Variants in ADGRE3 observed in about 807,000 individuals in gnomAD.
ADGRE3 encodes EGF-like module receptor 3.
ADGRE3 carries 88 observed loss-of-function variants against 80.1 expected under a neutral mutation model. The ratio of observed to expected loss-of-function variants is 1.10; its 90% CI spans 0.93 to 1.31. ADGRE3 has a LOEUF of 1.31. Among genes scored for constraint, ADGRE3 ranks in the 40% most tolerant of loss-of-function variants. The pLI is 0.00. For missense variants in ADGRE3, 715 were observed against 776.5 expected (o/e 0.92, Z 0.94); for synonymous variants, 281 against 294.8 (o/e 0.95, Z 0.48).
At chr19:14,673,571 C>T (rs1972312476) in intron 1 of ADGRE3, among the ~76,000 whole-genome samples, 1 of 152,156 alleles carries the variant, frequency 6.6e-6, no homozygotes, top group Admixed American at 6.5e-5. Flanking sequence ...ATTCAAATCC[C>T]AGCTCTCTTA....
intron 11 of ADGRE3, among the ~76,000 whole-genome samples, chr19:14,634,573 G>C (rs1241685561): frequency 6.6e-6 from 1 of 152,158 alleles, no homozygotes. Flanking sequence ...AGGAGGAACA[G>C]CGTCCTGTTA....
At chr19:14,607,996 G>A in the ADGRE3 span, among the ~76,000 whole-genome samples, 7 of 151,980 alleles carry the variant, frequency 4.6e-5, no homozygotes, top group South Asian at 1.5e-3. Flanking sequence ...TCAGCCTCCC[G>A]AGTACCTGGG....
chr19:14,619,296 G>T lies in ADGRE3; in HGVS notation c.*137C>A. ...GAGAGCCTATTGTGGAGAACAAACA[G>T]CTTGGGAAGTAAAGGTTGATTACTT... On this transcript the variant is annotated 3_prime_UTR_variant, in exon 16 of 16. Transcript: ENST00000253673. 1 of 716,982 alleles carries T rather than the reference G, an allele frequency of 1.4e-6. No individual in the cohort carries two copies. Among genetic ancestry groups the T allele is most frequent in the Non-Finnish European group, 2.5e-6 (1 of 407,914 alleles). 44.4% of individuals were successfully genotyped at this position (716,982 alleles called of 1,614,324 possible).
chr19:14,641,722 T>C (rs539554607), intron 9 of ADGRE3, 106 bp from the exon 10 acceptor site: 1 of 1,379,198 alleles, frequency 7.3e-7, no homozygotes, highest in Non-Finnish European at 1.0e-6. Flanking sequence ...CCAGTGGTAG[T>C]GTGGGACCGT....
At chr19:14,656,931 T>C (rs1971782976) in intron 5 of ADGRE3, among the ~76,000 whole-genome samples, 1 of 152,180 alleles carries the variant, frequency 6.6e-6, no homozygotes, top group Non-Finnish European at 1.5e-5. Flanking sequence ...AGTCTTACTC[T>C]GTTGCCCAGG....
chr19:14,627,110 G>A (rs1028008847), intron 14 of ADGRE3, among the ~76,000 whole-genome samples: 9 of 152,220 alleles, frequency 5.9e-5, no homozygotes, highest in Admixed American at 5.2e-4. Flanking sequence ...TTGCTGGAGA[G>A]GGCTGTCCTG....
intron 15 of ADGRE3, among the ~76,000 whole-genome samples, chr19:14,620,362 T>C (rs1970504741): frequency 1.9e-5 from 1 of 53,282 alleles, no homozygotes; most frequent in African/African-American, 6.6e-5. Context: ...AAAGCTAATG[T>C]ATTTCTTAAA....
Position 14,668,793 on chromosome 19 carries a change from A to G in ADGRE3, c.76+9T>C. On this transcript the variant is annotated intron_variant, in intron 2 of 15. Transcript: ENST00000253673. ...CCACAAGTTCTCTGTTCTGGCTCTG[A>G]GCACTCACTTTTGGTTTTCTGAGTC... 6.2e-7 allele frequency: 1 copy of G among 1,613,632 alleles called. No individual in the cohort carries two copies. The highest frequency in any genetic ancestry group is 8.5e-7 in the Non-Finnish European group (1 of 1,179,642).
intron 6 of ADGRE3, among the ~76,000 whole-genome samples, chr19:14,651,998 C>A (rs111989526): frequency 6.6e-6 from 1 of 152,140 alleles, no homozygotes; most frequent in African/African-American, 2.4e-5. Context: ...GCTGAGATCA[C>A]GCCACTGTAC....
At chr19:14,674,709 T>C (rs1462682999) in intron 1 of ADGRE3, 37 bp downstream of exon 1, 4 of 1,605,038 alleles carry the variant, frequency 2.5e-6, no homozygotes, top group African/African-American at 2.7e-5. Flanking sequence ...GACTGGGGGA[T>C]AGGTTAAGCC....
At chr19:14,605,179 C>T in the ADGRE3 span, among the ~76,000 whole-genome samples, 1 of 151,814 alleles carries the variant, frequency 6.6e-6, no homozygotes, top group African/African-American at 2.4e-5. Context: ...CTCACTGCAA[C>T]CTCCACCTCC....
At chr19:14,627,840 G>A (rs1207893529) in intron 14 of ADGRE3, among the ~76,000 whole-genome samples, 1 of 151,974 alleles carries the variant, frequency 6.6e-6, no homozygotes, top group Non-Finnish European at 1.5e-5. Flanking sequence ...TTAAAAACTG[G>A]ATGCTAGGCC....
intron 3 of ADGRE3, 77 bp from the exon 4 acceptor site, chr19:14,662,195 C>T (rs979958381): frequency 4.8e-6 from 7 of 1,456,706 alleles, no homozygotes; most frequent in Admixed American, 1.7e-5. Context: ...AGGAGTTGTG[C>T]TCTTTCCCCC....
chr19:14,670,563 C>G (rs1355398308), intron 1 of ADGRE3, among the ~76,000 whole-genome samples: 1 of 152,194 alleles, frequency 6.6e-6, no homozygotes, highest in Admixed American at 6.5e-5. Flanking sequence ...TCTATTGTGG[C>G]TGGTAAAGAG....
chr19:14,647,410 CTTTTTTTTTT>C (rs35043921), intron 7 of ADGRE3, 45 bp from the exon 8 acceptor site: 3 of 939,996 alleles, frequency 3.2e-6, no homozygotes, highest in Admixed American at 3.4e-5. Context: ...TCTTTTCTTT[CTTTTTTTTTT>C]TTTTTTTTTG....
At chr19:14,665,533 C>T (rs2146903254) in intron 2 of ADGRE3, among the ~76,000 whole-genome samples, 1 of 151,938 alleles carries the variant, frequency 6.6e-6, no homozygotes, top group Middle Eastern at 3.4e-3. Context: ...CTCTATTGTC[C>T]AGGCTGGCAT....
chr19:14,633,422 A>G (rs1375324091), intron 11 of ADGRE3, 120 bp from the exon 12 acceptor site: 2 of 743,754 alleles, frequency 2.7e-6, no homozygotes, highest in Non-Finnish European at 4.3e-6. Context: ...TCAGCTGATG[A>G]CAGGCCAGGC....
intron 4 of ADGRE3, among the ~76,000 whole-genome samples, chr19:14,660,105 T>C (rs1346142603): frequency 6.6e-6 from 1 of 152,100 alleles, no homozygotes; most frequent in Non-Finnish European, 1.5e-5. Flanking sequence ...CACTTTATCA[T>C]TGGGTGGGGG....
intron 14 of ADGRE3, among the ~76,000 whole-genome samples, chr19:14,626,031 T>C (rs1970729271): frequency 1.3e-5 from 2 of 152,294 alleles, no homozygotes; most frequent in South Asian, 4.1e-4. Flanking sequence ...TTGCACCACA[T>C]TGCGAATGTG....
Sources: allele counts gnomAD v4.1 joint callset (sites outside exome capture counted in the v4.1 genomes callset), GRCh38; gene constraint gnomAD v4.1.1; transcripts MANE v1.5; gene names NCBI Gene and HGNC (gene_info 2026-07-23, HGNC 2026-07-21).